AP1M1: variants seen among roughly 807,000 people sequenced by gnomAD.
AP1M1 encodes adaptor related protein complex 1 subunit mu 1.
A neutral mutation model predicts 57.1 loss-of-function variants in AP1M1; 18 were observed. That is an observed-to-expected ratio of 0.32 (90% confidence interval 0.22 to 0.47). The LOEUF (loss-of-function observed/expected upper bound fraction) is 0.47. Among genes scored for constraint, AP1M1 ranks in the 20% least tolerant of loss-of-function variants. AP1M1 has a pLI of 1.00. For missense variants in AP1M1, 362 were observed against 593.5 expected (o/e 0.61, Z 4.05); for synonymous variants, 241 against 237.9 (o/e 1.01, Z -0.12).
chr19:16,201,192 A>C (rs2091445346), intron 1 of AP1M1, among the ~76,000 whole-genome samples: 1 of 151,896 alleles, frequency 6.6e-6, no homozygotes, highest in South Asian at 2.1e-4. Flanking sequence ...CTGAGCACCT[A>C]CTATGGTCCA....
rs1330094032 is a variant in AP1M1 at position 16,228,465 on chromosome 19, C to T, written c.888+257C>T. ...GCCCCCAGGTGGAGCACCTCTGCCCCTCAGCGACCCTGTCCAGCGCAGCCT... is the reference window on the plus strand; with the variant it reads ...GCCCCCAGGTGGAGCACCTCTGCCCTTCAGCGACCCTGTCCAGCGCAGCCT... On this transcript the variant is annotated intron_variant, in intron 8 of 11. Coordinates refer to ENST00000291439, the MANE Select transcript of AP1M1 (RefSeq NM_032493.4). This position sits in a 1 kb window ranked among gnomAD's most constrained non-coding sequence, Gnocchi z 5.0. Among the ~76,000 whole-genome samples the T allele has an allele frequency of 6.6e-6, 1 of 152,196 alleles. No homozygotes were observed. Among genetic ancestry groups the T allele is most frequent in the Non-Finnish European group, 1.5e-5 (1 of 68,022 alleles).
chr19:16,208,962 G>C, intron 4 of AP1M1, 68 bp from the exon 5 acceptor site: 1 of 1,557,166 alleles, frequency 6.4e-7, no homozygotes, highest in South Asian at 1.2e-5. Flanking sequence ...CTGCCGAAAT[G>C]TCAAGGCCAG....
In AP1M1 at chr19:16,244,612, C is replaced by A. The variant is rs1335971570; in HGVS notation, c.*10177C>A. 6.6e-6 allele frequency: 1 copy of A among 152,020 alleles called. No individual in the cohort carries two copies. Among genetic ancestry groups the A allele is most frequent in the Non-Finnish European group, 1.5e-5 (1 of 68,010 alleles). The allele number at this position is 152,020 out of a possible 1,614,324, so 9.4% of individuals were successfully genotyped here. A position where few individuals can be genotyped will look rare whatever the true frequency, so the allele number is the denominator to read the frequency against. On this transcript the variant is annotated 3_prime_UTR_variant, in exon 12 of 12. Coordinates refer to ENST00000291439, the MANE Select transcript of AP1M1 (RefSeq NM_032493.4). ...TTGGGAGGCCGAGGCGGGCGGATCA[C>A]GAGGTCAGGAGATCGAGACCATCCT... is the stretch of plus-strand genomic sequence containing the variant.
chr19:16,230,439 C>T (rs904822547), intron 9 of AP1M1, among the ~76,000 whole-genome samples: 1 of 146,988 alleles, frequency 6.8e-6, no homozygotes, highest in South Asian at 2.1e-4. Flanking sequence ...CTCGCTCTGT[C>T]GCCTAGGCTG....
At chr19:16,200,472 G>C (rs1599450246) in intron 1 of AP1M1, among the ~76,000 whole-genome samples, 1 of 152,274 alleles carries the variant, frequency 6.6e-6, no homozygotes, top group East Asian at 1.9e-4. Context: ...AGAGAGGCAT[G>C]ATCAGACCTG....
intron 6 of AP1M1, chr19:16,226,806 C>T (rs1319510467): frequency 5.2e-6 from 2 of 383,292 alleles, no homozygotes; most frequent in Non-Finnish European, 9.5e-6. Flanking sequence ...CTGCACCCTG[C>T]CCTGCTCTGC....
At position 16,227,456 on chromosome 19, in the gene AP1M1, G is replaced by C. The variant is rs906110665; in HGVS notation, c.674-92G>C. The C allele has an allele frequency of 2.0e-5, 29 of 1,475,076 alleles. No individual in the cohort carries two copies. The African/African-American group carries it at 3.9e-4, about 20-fold the overall frequency. The allele number at this position is 1,475,076 out of a possible 1,614,324, so 91.4% of individuals were successfully genotyped here. On this transcript the variant is annotated intron_variant, in intron 6 of 11. Transcript: ENST00000291439. The surrounding 1 kb of genome is among the most constrained non-coding windows in gnomAD (Gnocchi z 6.2). ...TCTCAGTGCGTGGACTGGGGGCCCT[G>C]CTCTGCCGGGGTGGGTTGCAGGTGG...
chr19:16,201,556 G>A (rs958833095), intron 1 of AP1M1, among the ~76,000 whole-genome samples: 25 of 151,962 alleles, frequency 1.6e-4, no homozygotes, highest in South Asian at 6.2e-4. Context: ...GCACCACCAC[G>A]CCTGGCTAAT....
intron 5 of AP1M1, among the ~76,000 whole-genome samples, chr19:16,222,755 G>A (rs188828814): frequency 1.3e-5 from 2 of 151,752 alleles, no homozygotes; most frequent in Non-Finnish European, 2.9e-5. Flanking sequence ...CCACAGGCAC[G>A]CACCACCATG....
intron 5 of AP1M1, among the ~76,000 whole-genome samples, chr19:16,220,634 G>A (rs1169388933): frequency 2.0e-5 from 3 of 152,008 alleles, no homozygotes; most frequent in East Asian, 1.9e-4. Context: ...CAAGTGATCT[G>A]CTCACCCCGG....
rs531062858 is a variant in AP1M1 at position 16,241,602 on chromosome 19, A to C, written c.*7167A>C. 1 of 152,272 alleles carries C rather than the reference A, an allele frequency of 6.6e-6. No individual in the cohort carries two copies. Among genetic ancestry groups the C allele is most frequent in the Non-Finnish European group, 1.5e-5 (1 of 68,026 alleles). 9.4% of individuals were successfully genotyped at this position (152,272 alleles called of 1,614,324 possible). A position where few individuals can be genotyped will look rare whatever the true frequency, so the allele number is the denominator to read the frequency against. On this transcript the variant is annotated 3_prime_UTR_variant, in exon 12 of 12. Transcript: ENST00000291439. ...GATTCGGCTAAAGTCCACGAGGGCC[A>C]CGTATTTATATATAATTTCTAGACC...
In AP1M1 at chr19:16,227,817, G is replaced by T; in HGVS notation, c.816+127G>T. ...GCTCCATGAGCTGCCTGGCTCTGCAGAGATGGAGTCTGAGGACTTGGGACT... is the reference window on the plus strand; with the variant it reads ...GCTCCATGAGCTGCCTGGCTCTGCATAGATGGAGTCTGAGGACTTGGGACT... On this transcript the variant is annotated intron_variant, in intron 7 of 11. Transcript: ENST00000291439. This position sits in a 1 kb window ranked among gnomAD's most constrained non-coding sequence, Gnocchi z 6.2. The T allele has an allele frequency of 7.9e-7, 1 of 1,261,786 alleles. No homozygotes were observed. The highest frequency in any genetic ancestry group is 1.3e-5 in the South Asian group (1 of 74,716). The allele number at this position is 1,261,786 out of a possible 1,614,324, so 78.2% of individuals were successfully genotyped here. A position where few individuals can be genotyped will look rare whatever the true frequency, so the allele number is the denominator to read the frequency against.
At position 16,198,013 on chromosome 19, in the gene AP1M1, C is replaced by T. The variant is rs1293490674; in HGVS notation, c.-14C>T. The T allele has an allele frequency of 6.3e-7, 1 of 1,587,750 alleles. No homozygotes were observed. Among genetic ancestry groups the T allele is most frequent in the Non-Finnish European group, 8.5e-7 (1 of 1,171,122 alleles). On this transcript the variant is annotated 5_prime_UTR_variant, in exon 1 of 12. Transcript: ENST00000291439. ...CACCGCCCTCGGCCGCTGCCGAGGC[C>T]TCCTGCAGCCATCATGTCCGCCAGC...
intron 10 of AP1M1, 57 bp from the exon 11 acceptor site, chr19:16,234,142 G>C (rs1242920539): frequency 1.3e-6 from 2 of 1,542,134 alleles, no homozygotes; most frequent in African/African-American, 1.4e-5. Context: ...AAAGATTAAG[G>C]GGGGACCAAC....
intron 1 of AP1M1, among the ~76,000 whole-genome samples, chr19:16,202,395 T>A (rs1439094039): frequency 6.6e-6 from 1 of 152,338 alleles, no homozygotes; most frequent in East Asian, 1.9e-4. Context: ...TAATGAGGTA[T>A]AATTTACATT....
At chr19:16,226,730 G>C in intron 6 of AP1M1, 183 bp downstream of exon 6, 7 of 792,342 alleles carry the variant, frequency 8.8e-6, no homozygotes, top group South Asian at 2.4e-5. Context: ...CATAGAAGGT[G>C]CAGGGGAGTG....
rs940791669 is a variant in AP1M1 at position 16,240,276 on chromosome 19, G to GTGTA, written c.*5844_*5845insATGT. On this transcript the variant is annotated 3_prime_UTR_variant, in exon 12 of 12. Coordinates refer to ENST00000291439, the MANE Select transcript of AP1M1 (RefSeq NM_032493.4). ...TGTGTGTGTGTGTGTGTGTGTGTAT[G>GTGTA]TGTGTGTGTGTGTGTGTGTGTGTGT... The GTGTA allele has an allele frequency of 3.0e-5, 3 of 100,560 alleles. No individual in the cohort carries two copies. Among genetic ancestry groups the GTGTA allele is most frequent in the African/African-American group, 2.0e-4 (3 of 14,892 alleles). The allele number at this position is 100,560 out of a possible 1,614,324, so 6.2% of individuals were successfully genotyped here.
chr19:16,226,839 A>G (rs2145136601), intron 6 of AP1M1: 1 of 308,388 alleles, frequency 3.2e-6, no homozygotes, highest in Admixed American at 4.8e-5. Flanking sequence ...GGCCTAGGCT[A>G]AGGCCTTGCT....
intron 5 of AP1M1, among the ~76,000 whole-genome samples, chr19:16,217,169 G>T (rs2091522549): frequency 6.6e-6 from 1 of 152,200 alleles, no homozygotes; most frequent in South Asian, 2.1e-4. Flanking sequence ...TGGCTGCTCA[G>T]GGCTAGGGGT....
Sources: allele counts gnomAD v4.1 joint callset (sites outside exome capture counted in the v4.1 genomes callset), GRCh38; gene constraint gnomAD v4.1.1; non-coding constraint Gnocchi (gnomAD v3.1); transcripts MANE v1.5; gene names NCBI Gene and HGNC (gene_info 2026-07-23, HGNC 2026-07-21).